The following STK4 variants were observed in gnomAD, a reference collection of about 807,000 sequenced individuals.
STK4 encodes the protein serine/threonine-protein kinase 4.
In STK4, 30 loss-of-function variants were observed where a neutral mutation model predicts 64.9. The ratio of observed to expected loss-of-function variants is 0.46; its 90% confidence interval spans 0.35 to 0.63. The LOEUF (loss-of-function observed/expected upper bound fraction) is 0.63, where lower values mean the gene tolerates loss of function less well. Ranked by LOEUF, STK4 falls within the 20% of genes least tolerant of loss-of-function variation. STK4 has a pLI of 0.01. For synonymous variants in STK4, 177 were observed against 199.0 expected, an observed-to-expected ratio of 0.89 and a Z score of 0.93; for missense variants, 466 against 598.5, an observed-to-expected ratio of 0.78 and a Z score of 2.31.
intron 9 of STK4, among the ~76,000 whole-genome samples, chr20:45,011,384 T>C (rs1342876220): frequency 6.6e-6 from 1 of 152,146 alleles, no homozygotes; most frequent in East Asian, 1.9e-4. Context: ...ACTTATTCAT[T>C]CTTAAGTGTA....
intron 10 of STK4, among the ~76,000 whole-genome samples, chr20:45,058,059 A>G (rs1978647736): frequency 1.5e-5 from 1 of 68,884 alleles, no homozygotes; most frequent in East Asian, 2.1e-4. Flanking sequence ...AAGGTCACAC[A>G]CACACACACA....
At chr20:45,011,922 C>T (rs2068058600) in intron 9 of STK4, among the ~76,000 whole-genome samples, 1 of 151,276 alleles carries the variant, frequency 6.6e-6, no homozygotes, top group African/African-American at 2.4e-5. Flanking sequence ...GGTCTTTGAT[C>T]CTGTCACCTT....
intron 10 of STK4, among the ~76,000 whole-genome samples, chr20:45,069,730 G>C (rs1362892971): frequency 7.2e-5 from 11 of 152,212 alleles, no homozygotes; most frequent in Admixed American, 3.9e-4. Flanking sequence ...ATTGGTTTCA[G>C]TGGCTTTTGT....
chr20:45,049,004 T>TC (rs1185578269), intron 10 of STK4, among the ~76,000 whole-genome samples: 1 of 152,166 alleles, frequency 6.6e-6, no homozygotes, highest in East Asian at 1.9e-4. Flanking sequence ...GTTTTTTTTT[T>TC]CAAAACAGTT....
chr20:45,018,913 G>A (rs1468715930), intron 9 of STK4, among the ~76,000 whole-genome samples: 2 of 151,832 alleles, frequency 1.3e-5, no homozygotes, highest in African/African-American at 4.8e-5. Context: ...AAAAATTTTT[G>A]TAGAGACAGG....
intron 10 of STK4, among the ~76,000 whole-genome samples, chr20:45,052,333 T>C (rs2068789598): frequency 6.6e-6 from 1 of 152,220 alleles, no homozygotes; most frequent in Non-Finnish European, 1.5e-5. Context: ...TTTTAATACT[T>C]AGATATTATT....
intron 10 of STK4, among the ~76,000 whole-genome samples, chr20:45,027,870 GTC>G (rs1341150552): frequency 6.6e-6 from 1 of 152,048 alleles, no homozygotes; most frequent in African/African-American, 2.4e-5. Context: ...TTGTCTTTCT[GTC>G]TCTGTCTTAT....
chr20:44,982,234 A>G (rs2067455032), intron 4 of STK4, among the ~76,000 whole-genome samples: 1 of 150,658 alleles, frequency 6.6e-6, no homozygotes. Flanking sequence ...CTCTCACTTC[A>G]GGCTCCTGAG....
chr20:45,005,281 C>T (rs1050593727), intron 9 of STK4, among the ~76,000 whole-genome samples: 2 of 152,130 alleles, frequency 1.3e-5, no homozygotes, highest in African/African-American at 2.4e-5. Context: ...TAAGACACTT[C>T]GCCTTTTTTT....
At chr20:45,033,663 TCTGC>T (rs1245098744) in intron 10 of STK4, among the ~76,000 whole-genome samples, 2 of 152,212 alleles carry the variant, frequency 1.3e-5, no homozygotes, top group African/African-American at 4.8e-5. Context: ...CACTGCAATC[TCTGC>T]CTCCTGGGTT....
intron 10 of STK4, among the ~76,000 whole-genome samples, chr20:45,026,562 A>G (rs2068352069): frequency 6.6e-6 from 1 of 152,166 alleles, no homozygotes; most frequent in African/African-American, 2.4e-5. Context: ...GCAGGAAATG[A>G]TATCAGAGAT....
chr20:45,020,964 A>G (rs781045658), intron 9 of STK4, among the ~76,000 whole-genome samples: 3 of 151,942 alleles, frequency 2.0e-5, no homozygotes, highest in Non-Finnish European at 4.4e-5. Flanking sequence ...GGTGCGTGCC[A>G]CCACACCCAG....
At chr20:45,004,767 CTTTTTTCTTTTTTTTTTTT>C (rs1254226207) in intron 9 of STK4, among the ~76,000 whole-genome samples, 42 of 132,454 alleles carry the variant, frequency 3.2e-4, no homozygotes, top group African/African-American at 1.2e-3. Flanking sequence ...TTTTTTTTTT[CTTTTTTCTTTTTTTTTTTT>C]GAGACGGAGT....
intron 1 of STK4, chr20:44,970,675 C>A (rs549867867): frequency 2.0e-5 from 3 of 152,098 alleles, no homozygotes; most frequent in South Asian, 2.1e-4. Context: ...TCACTGTGAT[C>A]ATTTTGTTCT....
At chr20:44,968,437 A>G (rs1255693882) in intron 1 of STK4, among the ~76,000 whole-genome samples, 2 of 152,172 alleles carry the variant, frequency 1.3e-5, no homozygotes, top group South Asian at 2.1e-4. Flanking sequence ...GGGCCCGGCC[A>G]TGCTCTTAAC....
chr20:45,067,682 T>A (rs1483681856), intron 10 of STK4, among the ~76,000 whole-genome samples: 6 of 152,226 alleles, frequency 3.9e-5, no homozygotes, highest in Non-Finnish European at 7.3e-5. Context: ...TGATGAAGTA[T>A]CAGCTGGAGC....
intron 9 of STK4, among the ~76,000 whole-genome samples, chr20:45,007,004 G>T (rs368232141): frequency 1.3e-5 from 2 of 151,706 alleles, no homozygotes; most frequent in Non-Finnish European, 3.0e-5. Flanking sequence ...TTGGCATCTG[G>T]AAGTTTTCGT....
At chr20:45,065,016 A>G (rs908120929) in intron 10 of STK4, among the ~76,000 whole-genome samples, 1 of 152,010 alleles carries the variant, frequency 6.6e-6, no homozygotes. Flanking sequence ...GGCATCCTTG[A>G]CTTGTTCTGG....
At position 45,079,165 on chromosome 20, in the gene STK4, A is replaced by G. The variant is rs935225234; in HGVS notation, c.*3989A>G. ...AGGGAGGTCAAGGATGCAGTGAGCC[A>G]TGGTCTCACCACTGCACTCTAGCCT... On this transcript the variant is annotated 3_prime_UTR_variant, in exon 11 of 11. Coordinates refer to ENST00000372806, the MANE Select transcript of STK4 (RefSeq NM_006282.5). 6.6e-6 allele frequency: 1 copy of G among 152,134 alleles called. No individual in the cohort carries two copies. The highest frequency in any genetic ancestry group is 2.4e-5 in the African/African-American group (1 of 41,416). 9.4% of individuals were successfully genotyped at this position (152,134 alleles called of 1,614,324 possible). A position where few individuals can be genotyped will look rare whatever the true frequency, so the allele number is the denominator to read the frequency against.
Sources: gnomAD v4.1 joint callset for allele counts (sites outside exome capture counted in the v4.1 genomes callset) on GRCh38, gnomAD v4.1.1 for gene constraint, MANE v1.5 for transcripts, NCBI Gene and HGNC (gene_info 2026-07-23, HGNC 2026-07-21) for gene names.